Variants in RILPL1 observed in about 807,000 individuals in gnomAD.
The protein encoded by RILPL1 is Rab interacting lysosomal protein like 1, also known as RILP-like protein 1.
RILPL1 carries 33 observed loss-of-function variants against 50.3 expected under a neutral mutation model. The ratio of observed to expected loss-of-function variants is 0.66; its 90% CI spans 0.50 to 0.88. The LOEUF (loss-of-function observed/expected upper bound fraction) is 0.88, where lower values mean the gene tolerates loss of function less well. Among genes scored for constraint, RILPL1 ranks in the 40% least tolerant of loss-of-function variants. RILPL1 has a pLI of 0.00. For synonymous variants in RILPL1, 205 were observed against 228.6 expected, an observed-to-expected ratio of 0.90 and a Z score of 0.93; for missense variants, 418 against 542.5, an observed-to-expected ratio of 0.77 and a Z score of 2.28.
rs543677202 is a variant in RILPL1, at chr12:123,472,618, C to G, written c.1132G>C (p.Glu378Gln). The change falls in exon 7 of 7, where the codon GAG becomes CAG. Residue 378 changes from glutamate (E) to glutamine (Q), a missense_variant. Physicochemically the swap from Glu to Gln is conservative, Grantham distance 29. Coordinates refer to ENST00000376874, the MANE Select transcript of RILPL1 (RefSeq NM_178314.5). Reference sequence around the variant, plus strand: ...GTGTTTGCCCACTGTCCAAAGGACTCCTGGATGTGCACGTTTCTCTGTGTG... The same window carrying G: ...GTGTTTGCCCACTGTCCAAAGGACTGCTGGATGTGCACGTTTCTCTGTGTG... ...ANTQRNVHIQESFGQWANTHR... is the reference protein window; with the variant it reads ...ANTQRNVHIQQSFGQWANTHR... The G allele has an allele frequency of 4.4e-6, 7 of 1,586,896 alleles. No homozygotes were observed. Among genetic ancestry groups the G allele is most frequent in the East Asian group, 4.6e-5 (2 of 43,864 alleles).
chr12:123,483,736 C>G (rs1210109775), intron 6 of RILPL1, among the ~76,000 whole-genome samples: 1 of 152,146 alleles, frequency 6.6e-6, no homozygotes, highest in Admixed American at 6.6e-5. Flanking sequence ...GCTTAATGGA[C>G]AGAGGGCTAC....
rs1478192021 is a variant in RILPL1, at chr12:123,533,146, G to A, written c.309+28C>T. On this transcript the variant is annotated intron_variant, in intron 1 of 6. Coordinates refer to ENST00000376874, the MANE Select transcript of RILPL1 (RefSeq NM_178314.5). This position sits in a 1 kb window ranked among gnomAD's most constrained non-coding sequence, Gnocchi z 6.2. ...TTGGGTCCCCGCGGTCCCACTGCCC[G>A]GACGGACAGACCGAGGCCGCCGCCC... 6.0e-6 allele frequency: 9 copies of A among 1,506,624 alleles called. No homozygotes were observed. Among genetic ancestry groups the A allele is most frequent in the African/African-American group, 4.1e-5 (3 of 72,582 alleles). 93.3% of individuals were successfully genotyped at this position (1,506,624 alleles called of 1,614,324 possible). A position where few individuals can be genotyped will look rare whatever the true frequency, so the allele number is the denominator to read the frequency against.
intron 2 of RILPL1, among the ~76,000 whole-genome samples, chr12:123,519,193 A>G (rs768979421): frequency 9.2e-5 from 14 of 152,094 alleles, no homozygotes; most frequent in Non-Finnish European, 4.4e-5. Flanking sequence ...GAAAATGACA[A>G]CGTGGTCAGT....
At chr12:123,486,532 T>C (rs73412259) in intron 4 of RILPL1, among the ~76,000 whole-genome samples, 229 of 152,326 alleles carry the variant, frequency 1.5e-3, no homozygotes, top group African/African-American at 5.4e-3. Flanking sequence ...TTGAACCTTT[T>C]AAAAGTGAAC....
intron 2 of RILPL1, among the ~76,000 whole-genome samples, chr12:123,509,958 G>C (rs1220059596): frequency 6.6e-6 from 1 of 152,356 alleles, no homozygotes; most frequent in East Asian, 1.9e-4. Flanking sequence ...CCAGTCCCTG[G>C]AGCCGAGGCC....
At chr12:123,496,358 AT>A (rs1290983285) in intron 4 of RILPL1, among the ~76,000 whole-genome samples, 2 of 152,052 alleles carry the variant, frequency 1.3e-5, no homozygotes, top group African/African-American at 4.8e-5. Flanking sequence ...CCTCATTTGT[AT>A]CCCAGATGCC....
chr12:123,511,212 GT>G, intron 2 of RILPL1, among the ~76,000 whole-genome samples: 1 of 147,806 alleles, frequency 6.8e-6, no homozygotes, highest in Admixed American at 6.7e-5. Flanking sequence ...GTCTGTATGT[GT>G]GTGTGTGGTG....
chr12:123,516,138 C>T (rs898605753), intron 2 of RILPL1, among the ~76,000 whole-genome samples: 2 of 150,736 alleles, frequency 1.3e-5, no homozygotes, highest in African/African-American at 4.9e-5. Context: ...ATCTGGGTCT[C>T]TTCATATCAG....
chr12:123,523,634 C>T lies in RILPL1; in HGVS notation c.321G>A (p.Leu107=). The T allele has an allele frequency of 6.2e-7, 1 of 1,613,504 alleles. No individual in the cohort carries two copies. The highest frequency in any genetic ancestry group is 8.5e-7 in the Non-Finnish European group (1 of 1,179,812). ...CCTCCCCTCGCCACACATCCTCCACCAGCTCCAGCTCCTGCCAAGGCAAGG... is the reference window on the plus strand; with the variant it reads ...CCTCCCCTCGCCACACATCCTCCACTAGCTCCAGCTCCTGCCAAGGCAAGG... ...KERKHQKELE[L]VEDVWRGEAQ... is the part of the protein sequence containing the mutation. The change falls in exon 2 of 7, where the codon CTG becomes CTA. Residue 107 remains leucine (L), a synonymous_variant. Transcript: ENST00000376874.
At chr12:123,527,023 C>T (rs1479794491) in intron 1 of RILPL1, among the ~76,000 whole-genome samples, 1 of 152,098 alleles carries the variant, frequency 6.6e-6, no homozygotes, top group East Asian at 1.9e-4. Flanking sequence ...AGGGACTGTG[C>T]AGAGATGATT....
chr12:123,526,867 CCT>C (rs913574291), intron 1 of RILPL1, among the ~76,000 whole-genome samples: 9 of 152,242 alleles, frequency 5.9e-5, no homozygotes, highest in South Asian at 4.1e-4. Context: ...CAGCCCTGTT[CCT>C]CTCTGTTTCC....
chr12:123,502,805 A>G (rs1435873943), intron 2 of RILPL1, among the ~76,000 whole-genome samples: 1 of 152,254 alleles, frequency 6.6e-6, no homozygotes, highest in Non-Finnish European at 1.5e-5. Context: ...TCATAGCTCT[A>G]GAAGCCAGAA....
intron 1 of RILPL1, among the ~76,000 whole-genome samples, chr12:123,531,476 G>A (rs984136104): frequency 6.6e-5 from 10 of 152,100 alleles, no homozygotes; most frequent in Admixed American, 2.6e-4. Context: ...AATAAGAGGC[G>A]CCACACGAGA....
intron 5 of RILPL1, among the ~76,000 whole-genome samples, chr12:123,484,650 CT>C (rs61080090): frequency 0.27 from 29,966 of 110,108 alleles, 3,143 homozygotes; most frequent in African/African-American, 0.34. Context: ...ACTCTCCCAT[CT>C]TTTTTTTTTT....
intron 1 of RILPL1, among the ~76,000 whole-genome samples, chr12:123,528,624 TCAC>T: frequency 6.6e-6 from 1 of 152,034 alleles, no homozygotes; most frequent in East Asian, 2.0e-4. Context: ...AGACGGGGTT[TCAC>T]CGTGTTAGCC....
intron 2 of RILPL1, chr12:123,519,258 C>T (rs1167695845): frequency 6.6e-6 from 1 of 151,742 alleles, no homozygotes; most frequent in African/African-American, 2.4e-5. Context: ...GATTTTTTTC[C>T]AGACCCATGA....
intron 2 of RILPL1, among the ~76,000 whole-genome samples, chr12:123,515,908 C>A (rs1391101260): frequency 6.6e-6 from 1 of 151,770 alleles, no homozygotes; most frequent in African/African-American, 2.4e-5. Context: ...GTGGCACAGG[C>A]CTGTAATCCC....
Position 123,525,499 on chromosome 12 carries a change from A to G in RILPL1, c.310-1854T>C, listed in dbSNP as rs535964998. 2.0e-5 allele frequency among the ~76,000 whole-genome samples: 3 copies of G among 150,682 alleles called. No individual in the cohort carries two copies. The East Asian group carries it at 6.0e-4, about 30-fold the overall frequency. ...CAGATCACTTGAGGTCAGGAGTTCGAGACCAGCCTGACCAATATGGTGAAA... is the reference window on the plus strand; with the variant it reads ...CAGATCACTTGAGGTCAGGAGTTCGGGACCAGCCTGACCAATATGGTGAAA... On this transcript the variant is annotated intron_variant, in intron 1 of 6. Coordinates refer to ENST00000376874, the MANE Select transcript of RILPL1 (RefSeq NM_178314.5).
chr12:123,509,429 G>A (rs1180429096), intron 2 of RILPL1, among the ~76,000 whole-genome samples: 1 of 152,050 alleles, frequency 6.6e-6, no homozygotes, highest in Non-Finnish European at 1.5e-5. Context: ...CAGGCATGGT[G>A]GCGCATGCCT....
Sources: allele counts gnomAD v4.1 joint callset (sites outside exome capture counted in the v4.1 genomes callset), GRCh38; gene constraint gnomAD v4.1.1; non-coding constraint Gnocchi (gnomAD v3.1); transcripts MANE v1.5; gene names NCBI Gene and HGNC (gene_info 2026-07-23, HGNC 2026-07-21).